SEMA3C: variants seen among roughly 807,000 people sequenced by gnomAD.
SEMA3C encodes the protein semaphorin-3C.
Under a neutral mutation model 89.4 loss-of-function variants are expected in SEMA3C, and 47 were observed. The ratio of observed to expected loss-of-function variants is 0.53; its 90% CI spans 0.42 to 0.67. The LOEUF (loss-of-function observed/expected upper bound fraction) is 0.67, where lower values mean the gene tolerates loss of function less well. SEMA3C is among the 30% of genes least tolerant of loss of function. The pLI is 0.00. For synonymous variants in SEMA3C, 310 were observed against 320.2 expected, an observed-to-expected ratio of 0.97 and a Z score of 0.34; for missense variants, 839 against 929.1, an observed-to-expected ratio of 0.90 and a Z score of 1.26.
At chr7:80,752,800 A>C (rs1562858630) in intron 15 of SEMA3C, among the ~76,000 whole-genome samples, 1 of 152,120 alleles carries the variant, frequency 6.6e-6, no homozygotes, top group Non-Finnish European at 1.5e-5. Flanking sequence ...CACATTGTTA[A>C]AAGTCAGAAG....
At position 80,901,170 on chromosome 7, in the gene SEMA3C, T is replaced by G. The variant is rs190325539; in HGVS notation, c.103+15509A>C. Reference sequence around the variant, plus strand: ...AGATTATAACAAAGTCAAATAATTTTTCCAGTTGTCAAGTTAGTTAGAATT... The same window carrying G: ...AGATTATAACAAAGTCAAATAATTTGTCCAGTTGTCAAGTTAGTTAGAATT... On this transcript the variant is annotated intron_variant, in intron 2 of 17. Transcript: ENST00000265361. Among the ~76,000 whole-genome samples the G allele has an allele frequency of 2.5e-3, 379 of 152,328 alleles. 5 individuals carry two copies. Among genetic ancestry groups the G allele is most frequent in the Non-Finnish European group, 2.0e-3 (134 of 68,024 alleles).
At position 80,743,663 on chromosome 7, in the gene SEMA3C, T is replaced by C. The variant is rs1787732153; in HGVS notation, c.*1231A>G. On this transcript the variant is annotated 3_prime_UTR_variant, in exon 18 of 18. Coordinates refer to ENST00000265361, the MANE Select transcript of SEMA3C (RefSeq NM_006379.5). ...TATGAAATTATTCTAATAAAATTAT[T>C]CTAACATACAATTAGGAGATAATTA... The C allele has an allele frequency of 6.6e-6, 1 of 151,718 alleles. No homozygotes were observed. The highest frequency in any genetic ancestry group is 1.5e-5 in the Non-Finnish European group (1 of 67,836). 9.4% of individuals were successfully genotyped at this position (151,718 alleles called of 1,614,324 possible). A position where few individuals can be genotyped will look rare whatever the true frequency, so the allele number is the denominator to read the frequency against.
chr7:80,868,030 T>C (rs1377424875), intron 2 of SEMA3C, among the ~76,000 whole-genome samples: 3 of 152,230 alleles, frequency 2.0e-5, no homozygotes, highest in Non-Finnish European at 4.4e-5. Context: ...AATTGTATTA[T>C]GAAATCTTGC....
intron 8 of SEMA3C, among the ~76,000 whole-genome samples, chr7:80,803,121 C>T (rs1789248708): frequency 6.6e-6 from 1 of 151,962 alleles, no homozygotes; most frequent in African/African-American, 2.4e-5. Flanking sequence ...AATTTATTGT[C>T]TTCAATTTGA....
chr7:80,785,320 C>T lies in SEMA3C; in HGVS notation c.1354+3986G>A, dbSNP rs3800557. 5.7e-3 allele frequency among the ~76,000 whole-genome samples: 864 copies of T among 152,268 alleles called. 36 individuals are homozygous for T. In the East Asian group the frequency reaches 0.1, roughly 18 times the overall value. Reference sequence around the variant, plus strand: ...CAATGAACTGTCACATAAGTTTCCCCTATGGCATCTTCTTTGACAAATAAT... The same window carrying T: ...CAATGAACTGTCACATAAGTTTCCCTTATGGCATCTTCTTTGACAAATAAT... On this transcript the variant is annotated intron_variant, in intron 12 of 17. Coordinates refer to ENST00000265361, the MANE Select transcript of SEMA3C (RefSeq NM_006379.5).
chr7:80,891,563 C>T (rs543886969), intron 2 of SEMA3C, among the ~76,000 whole-genome samples: 1 of 151,920 alleles, frequency 6.6e-6, no homozygotes, highest in Admixed American at 6.6e-5. Context: ...GACATACATG[C>T]CCTTTCTTTG....
chr7:80,851,736 C>A (rs548291798), intron 2 of SEMA3C, among the ~76,000 whole-genome samples: 1 of 151,238 alleles, frequency 6.6e-6, no homozygotes, highest in Admixed American at 6.6e-5. Context: ...ACGTAGACAG[C>A]GATAGGCAGT....
chr7:80,818,057 TACACACAC>T (rs58398775), intron 5 of SEMA3C, among the ~76,000 whole-genome samples: 1 of 149,330 alleles, frequency 6.7e-6, no homozygotes, highest in African/African-American at 2.5e-5. Flanking sequence ...ACTAAAAGTA[TACACACAC>T]ACACACACAC....
intron 12 of SEMA3C, among the ~76,000 whole-genome samples, chr7:80,772,522 G>A (rs988391032): frequency 6.6e-6 from 1 of 152,098 alleles, no homozygotes; most frequent in African/African-American, 2.4e-5. Context: ...CAGCCCTGGG[G>A]GTATTAGAGC....
At chr7:80,822,812 T>C (rs1789786175) in intron 4 of SEMA3C, among the ~76,000 whole-genome samples, 1 of 152,152 alleles carries the variant, frequency 6.6e-6, no homozygotes, top group Non-Finnish European at 1.5e-5. Context: ...AACTGTCCAA[T>C]ATTAGATTTG....
intron 10 of SEMA3C, among the ~76,000 whole-genome samples, chr7:80,798,973 TA>T (rs1237006655): frequency 2.0e-5 from 3 of 152,226 alleles, no homozygotes; most frequent in Admixed American, 6.5e-5. Context: ...GATACATTGT[TA>T]ATCATTAGTA....
At chr7:80,782,421 A>C (rs940767506) in intron 12 of SEMA3C, among the ~76,000 whole-genome samples, 2 of 152,220 alleles carry the variant, frequency 1.3e-5, no homozygotes, top group African/African-American at 4.8e-5. Context: ...GACTGTCAAC[A>C]CATCAGGGAT....
At chr7:80,910,418 T>C (rs1435368936) in intron 2 of SEMA3C, among the ~76,000 whole-genome samples, 1 of 152,204 alleles carries the variant, frequency 6.6e-6, no homozygotes, top group Non-Finnish European at 1.5e-5. Flanking sequence ...GCAAATTGTT[T>C]CATGGCTAGT....
At chr7:80,751,406 G>C (rs1477089392) in intron 15 of SEMA3C, 70 bp from the exon 16 acceptor site, 1 of 1,406,590 alleles carries the variant, frequency 7.1e-7, no homozygotes, top group East Asian at 2.3e-5. Context: ...TTAAAACACT[G>C]TAATTTTAAA....
intron 12 of SEMA3C, among the ~76,000 whole-genome samples, chr7:80,781,911 T>A (rs958475662): frequency 3.3e-5 from 5 of 152,154 alleles, no homozygotes; most frequent in Admixed American, 3.3e-4. Context: ...ATCACTGCCC[T>A]CTGTCCTCCT....
intron 2 of SEMA3C, among the ~76,000 whole-genome samples, chr7:80,875,866 GA>G (rs550543836): frequency 3.3e-4 from 50 of 149,612 alleles, no homozygotes; most frequent in Non-Finnish European, 6.5e-4. Context: ...AATAAGAAAA[GA>G]AAAAAAAATT....
At chr7:80,750,423 C>T (rs1787896920) in intron 16 of SEMA3C, among the ~76,000 whole-genome samples, 2 of 122,314 alleles carry the variant, frequency 1.6e-5, no homozygotes, top group Admixed American at 1.8e-4. Flanking sequence ...GGCTTACCTA[C>T]ATACATACGT....
intron 12 of SEMA3C, among the ~76,000 whole-genome samples, chr7:80,774,449 T>C (rs1213812256): frequency 1.3e-5 from 2 of 151,978 alleles, no homozygotes; most frequent in Non-Finnish European, 2.9e-5. Flanking sequence ...AAAACAAATA[T>C]ATTCAAAAAC....
intron 2 of SEMA3C, among the ~76,000 whole-genome samples, chr7:80,916,130 G>A (rs1325264804): frequency 6.6e-6 from 1 of 152,142 alleles, no homozygotes; most frequent in South Asian, 2.1e-4. Flanking sequence ...ACCATCAAAA[G>A]CATATTTCCA....
Sources: allele counts gnomAD v4.1 joint callset (sites outside exome capture counted in the v4.1 genomes callset), GRCh38; gene constraint gnomAD v4.1.1; transcripts MANE v1.5; gene names NCBI Gene and HGNC (gene_info 2026-07-23, HGNC 2026-07-21).